NUP107: variants seen among roughly 807,000 people sequenced by gnomAD.
The protein encoded by NUP107 is nuclear pore complex protein Nup107.
Under a neutral mutation model 141.0 loss-of-function variants are expected in NUP107, and 101 were observed. The observed-to-expected ratio is 0.72, with a 90% confidence interval of 0.61 to 0.84. The LOEUF (loss-of-function observed/expected upper bound fraction) is 0.84, where lower values mean the gene tolerates loss of function less well. Among genes scored for constraint, NUP107 ranks in the 40% least tolerant of loss-of-function variants. NUP107 has a pLI of 0.00. For missense variants in NUP107, 941 were observed against 1,102.7 expected (o/e 0.85, Z 2.08); for synonymous variants, 319 against 363.9 (o/e 0.88, Z 1.41).
chr12:68,700,780 T>TC lies in NUP107; in HGVS notation c.608dup (p.Thr205AsnfsTer23), dbSNP rs1399129851. The TC allele has an allele frequency of 3.1e-6, 5 of 1,611,800 alleles. No individual in the cohort carries two copies. Among genetic ancestry groups the TC allele is most frequent in the Non-Finnish European group, 4.2e-6 (5 of 1,179,516 alleles). ...AGCAACACCTGGACTTCAAAAATTTTCAAAAACAGCCAGTATGCTCTGGCT... is the reference window on the plus strand; with the variant it reads ...AGCAACACCTGGACTTCAAAAATTTTCCAAAAACAGCCAGTATGCTCTGGCT... On this transcript the variant is annotated frameshift_variant, in exon 7 of 28. Transcript: ENST00000229179. LOFTEE classifies it high-confidence loss of function.
intron 7 of NUP107, 97 bp from the exon 8 acceptor site, chr12:68,702,639 G>T (rs995623345): frequency 9.8e-5 from 78 of 793,570 alleles, no homozygotes; most frequent in Non-Finnish European, 1.4e-4. Context: ...TTTTTAAAAA[G>T]AAGTTAGCCA....
chr12:68,713,695 C>T, intron 10 of NUP107, 35 bp from the exon 11 acceptor site: 2 of 1,428,764 alleles, frequency 1.4e-6, no homozygotes, highest in East Asian at 2.3e-5. Flanking sequence ...TTAAAATTAC[C>T]TCTTAAAAAA....
At chr12:68,696,174 G>T (rs1212454973) in intron 5 of NUP107, among the ~76,000 whole-genome samples, 1 of 150,320 alleles carries the variant, frequency 6.7e-6, no homozygotes, top group African/African-American at 2.5e-5. Context: ...GACCATCCTG[G>T]CTAACACAGT....
At position 68,733,458 on chromosome 12, in the gene NUP107, A is replaced by G. The variant is rs1237185234; in HGVS notation, c.2108A>G (p.Lys703Arg). 2.5e-6 allele frequency: 4 copies of G among 1,608,706 alleles called. No homozygotes were observed. Among genetic ancestry groups the G allele is most frequent in the East Asian group, 2.2e-5 (1 of 44,792 alleles). The stretch of plus-strand genomic sequence containing the variant: ...TGTGTATCTTTTTTCACAGCATCAA[A>G]AAAGCACGAAGCTGCAAAAGAAGTA... ...NAIMRKFLAS[K>R]KHEAAKEVFV... The change falls in exon 24 of 28, where the codon AAA becomes AGA. Residue 703 changes from lysine (K) to arginine (R), a missense_variant. Physicochemically the swap from Lys to Arg is conservative, Grantham distance 26. Coordinates refer to ENST00000229179, the MANE Select transcript of NUP107 (RefSeq NM_020401.4).
chr12:68,691,867 T>A, intron 4 of NUP107, 101 bp from the exon 5 acceptor site: 31 of 850,988 alleles, frequency 3.6e-5, no homozygotes, highest in Non-Finnish European at 4.7e-5. Flanking sequence ...GACGCATACA[T>A]ACATATAATT....
Position 68,725,797 on chromosome 12 carries a change from G to A in NUP107, c.1576+1G>A. 1.5e-6 allele frequency: 2 copies of A among 1,335,754 alleles called. No homozygotes were observed. Among genetic ancestry groups the A allele is most frequent in the Non-Finnish European group, 2.1e-6 (2 of 954,016 alleles). 82.7% of individuals were successfully genotyped at this position (1,335,754 alleles called of 1,614,324 possible). ...TTTCTTATCCTGGGAGACATTGATGGTAAGATATGGTTTTATTTTACTTTG... is the reference window on the plus strand; with the variant it reads ...TTTCTTATCCTGGGAGACATTGATGATAAGATATGGTTTTATTTTACTTTG... On this transcript the variant is annotated splice_donor_variant, in intron 18 of 27. Transcript: ENST00000229179. LOFTEE classifies it high-confidence loss of function.
chr12:68,700,789 G>C lies in NUP107; in HGVS notation c.616G>C (p.Ala206Pro), dbSNP rs1293351505. Reference protein sequence around the residue: ...TPGLQKFSKTASMLWLLQQEM... With the variant: ...TPGLQKFSKTPSMLWLLQQEM... ...TGGACTTCAAAAATTTTCAAAAACA[G>C]CCAGTATGCTCTGGCTTCTTCAACA... Residue 206 changes from alanine to proline, a missense_variant, in exon 7 of 28, where the codon GCC (alanine) becomes CCC (proline). Transcript: ENST00000229179. 6.2e-7 allele frequency: 1 copy of C among 1,611,980 alleles called. No individual in the cohort carries two copies. Among genetic ancestry groups the C allele is most frequent in the South Asian group, 1.1e-5 (1 of 90,602 alleles).
intron 8 of NUP107, chr12:68,707,057 G>A: frequency 3.4e-6 from 2 of 585,798 alleles, no homozygotes; most frequent in Admixed American, 2.9e-5. Flanking sequence ...GTCGTCTGAT[G>A]TACTGACCAA....
chr12:68,728,690 G>T (rs1307013816), intron 20 of NUP107, among the ~76,000 whole-genome samples: 8 of 148,996 alleles, frequency 5.4e-5, no homozygotes, highest in African/African-American at 2.0e-4. Context: ...GATTACAGGC[G>T]TGAACCACGA....
rs943326741 is a variant in NUP107, at chr12:68,733,528, G to A, written c.2178G>A (p.Gln726=). ...ATTCTATAGCAGAAATCTATAATCA[G>A]TGCGAGGAACAAGGAATGGAAAGTC... The part of the protein sequence containing the change: ...PQDSIAEIYN[Q]CEEQGMESPL... Residue 726 remains glutamine, a synonymous_variant, in exon 24 of 28, where the codon CAG becomes CAA. Coordinates refer to ENST00000229179, the MANE Select transcript of NUP107 (RefSeq NM_020401.4). The A allele has an allele frequency of 6.8e-6, 11 of 1,613,724 alleles. No homozygotes were observed. Among genetic ancestry groups the A allele is most frequent in the Non-Finnish European group, 7.6e-6 (9 of 1,179,824 alleles).
At chr12:68,708,652 C>T (rs1380509608) in intron 8 of NUP107, among the ~76,000 whole-genome samples, 2 of 151,780 alleles carry the variant, frequency 1.3e-5, no homozygotes, top group African/African-American at 4.8e-5. Context: ...TGGAGTCTCA[C>T]TCTGTCACCC....
At chr12:68,698,676 A>T (rs1279326886) in intron 6 of NUP107, among the ~76,000 whole-genome samples, 1 of 152,232 alleles carries the variant, frequency 6.6e-6, no homozygotes, top group Non-Finnish European at 1.5e-5. Flanking sequence ...TAAGTGAAAG[A>T]AGCCAATTTG....
chr12:68,690,549 C>A (rs923632695), intron 3 of NUP107, 82 bp from the exon 4 acceptor site: 7 of 1,565,782 alleles, frequency 4.5e-6, no homozygotes, highest in Non-Finnish European at 6.1e-6. Flanking sequence ...AAAATTTATT[C>A]TTCATTGTTT....
intron 5 of NUP107, among the ~76,000 whole-genome samples, chr12:68,694,106 T>C (rs993491939): frequency 2.0e-5 from 3 of 152,228 alleles, no homozygotes; most frequent in Admixed American, 2.0e-4. Context: ...AACTAAGCAG[T>C]TTAGCTCCAG....
chr12:68,732,644 G>C lies in NUP107; in HGVS notation c.2006G>C (p.Arg669Pro). 6.3e-7 allele frequency: 1 copy of C among 1,583,032 alleles called. No homozygotes were observed. The highest frequency in any genetic ancestry group is 8.6e-7 in the Non-Finnish European group (1 of 1,160,060). The stretch of plus-strand genomic sequence containing the variant: ...TTCCCCTTTAATAAATAGGAGGATC[G>C]TTTAAAAATTGATGTAATTGACTGG... ...ALDTGTTEED[R>P]LKIDVIDWLV... The change falls in exon 23 of 28, where the codon CGT becomes CCT. Residue 669 changes from arginine (R) to proline (P), a missense_variant. Arg to Pro is a moderately radical substitution (Grantham distance 103, BLOSUM62 -2). Transcript: ENST00000229179.
intron 17 of NUP107, among the ~76,000 whole-genome samples, chr12:68,722,670 T>C (rs1306614512): frequency 3.9e-5 from 6 of 152,192 alleles, no homozygotes. Flanking sequence ...ATGTAGATAC[T>C]CCAATTTAGA....
At chr12:68,702,958 C>T (rs889779319) in intron 8 of NUP107, among the ~76,000 whole-genome samples, 174 bp downstream of exon 8, 3 of 151,994 alleles carry the variant, frequency 2.0e-5, no homozygotes, top group Non-Finnish European at 1.5e-5. Flanking sequence ...ATTCTCCTAC[C>T]TCAGCTTCCT....
intron 2 of NUP107, 66 bp from the exon 3 acceptor site, chr12:68,689,467 G>A (rs1404528896): frequency 9.8e-6 from 9 of 913,810 alleles, no homozygotes; most frequent in East Asian, 2.5e-5. Flanking sequence ...ATAGTAAAAA[G>A]ATGGTTAATT....
chr12:68,690,494 A>T (rs1204805254), intron 3 of NUP107, 137 bp from the exon 4 acceptor site: 2 of 1,083,738 alleles, frequency 1.8e-6, no homozygotes, highest in African/African-American at 3.2e-5. Flanking sequence ...AAATGTTAAC[A>T]TTTAAAGTAT....
Sources: gnomAD v4.1 joint callset for allele counts (sites outside exome capture counted in the v4.1 genomes callset) on GRCh38, gnomAD v4.1.1 for gene constraint, MANE v1.5 for transcripts, NCBI Gene and HGNC (gene_info 2026-07-23, HGNC 2026-07-21) for gene names.